The following ENTREP2 variants were observed in gnomAD, a reference collection of about 807,000 sequenced individuals.
ENTREP2 encodes the protein protein ENTREP2.
At chr15:29,396,663 A>T in the ENTREP2 span, among the ~76,000 whole-genome samples, 1 of 152,158 alleles carries the variant, frequency 6.6e-6, no homozygotes, top group Non-Finnish European at 1.5e-5. Context: ...CTTTGGCATC[A>T]TATCCAAGAA....
At chr15:29,497,953 A>C in the ENTREP2 span, among the ~76,000 whole-genome samples, 1 of 152,116 alleles carries the variant, frequency 6.6e-6, no homozygotes, top group African/African-American at 2.4e-5. Context: ...TGCATCACCT[A>C]TGATAAGATT....
At chr15:29,502,943 A>G in the ENTREP2 span, among the ~76,000 whole-genome samples, 32 of 149,436 alleles carry the variant, frequency 2.1e-4, no homozygotes, top group Admixed American at 3.3e-4. Flanking sequence ...ATAAAGGGGG[A>G]AAAAAAAACC....
At chr15:29,489,831 C>A in the ENTREP2 span, among the ~76,000 whole-genome samples, 10 of 152,294 alleles carry the variant, frequency 6.6e-5, no homozygotes, top group South Asian at 1.2e-3. Flanking sequence ...CAGGCCATGA[C>A]GGCGCAGTTC....
At chr15:29,405,114 C>T in the ENTREP2 span, among the ~76,000 whole-genome samples, 17,557 of 152,138 alleles carry the variant, frequency 0.12, 1,169 homozygotes, top group East Asian at 0.31. Context: ...CCTGGCTGGG[C>T]GTGGTGGCTC....
At chr15:29,341,958 C>G in the ENTREP2 span, among the ~76,000 whole-genome samples, 1 of 152,242 alleles carries the variant, frequency 6.6e-6, no homozygotes. Flanking sequence ...TTTCAGACGA[C>G]TTTTTATTGA....
chr15:29,138,497 G>T, the ENTREP2 span, among the ~76,000 whole-genome samples: 1 of 152,174 alleles, frequency 6.6e-6, no homozygotes, highest in Non-Finnish European at 1.5e-5. Context: ...GGCAGGTGAG[G>T]TAAGGAGAGG....
chr15:29,203,011 T>C, the ENTREP2 span, among the ~76,000 whole-genome samples: 2 of 152,294 alleles, frequency 1.3e-5, no homozygotes, highest in East Asian at 1.9e-4. Context: ...AGTAATGGGA[T>C]TGCTGGGTCA....
chr15:29,433,377 A>C, the ENTREP2 span, among the ~76,000 whole-genome samples: 1 of 152,224 alleles, frequency 6.6e-6, no homozygotes, highest in Non-Finnish European at 1.5e-5. Context: ...TTTTTGAACT[A>C]ATGGTAGAAA....
At chr15:29,534,106 C>CAAAAAAAAAAA in the ENTREP2 span, among the ~76,000 whole-genome samples, 8 of 44,908 alleles carry the variant, frequency 1.8e-4, no homozygotes, top group African/African-American at 6.4e-4. Flanking sequence ...GCCCCTTGGC[C>CAAAAAAAAAAA]AAAAAAAAAA....
At chr15:29,502,521 T>C in the ENTREP2 span, among the ~76,000 whole-genome samples, 10 of 151,954 alleles carry the variant, frequency 6.6e-5, no homozygotes, top group Non-Finnish European at 1.2e-4. Flanking sequence ...CTGTGCAACT[T>C]TGAGTTAAGG....
At chr15:29,146,938 G>GA in the ENTREP2 span, among the ~76,000 whole-genome samples, 818 of 145,206 alleles carry the variant, frequency 5.6e-3, 9 homozygotes, top group African/African-American at 0.017. Flanking sequence ...CCATCTTGGG[G>GA]AAAAAAAAAA....
chr15:29,366,575 C>T, the ENTREP2 span, among the ~76,000 whole-genome samples: 12 of 152,106 alleles, frequency 7.9e-5, no homozygotes, highest in African/African-American at 2.7e-4. Flanking sequence ...CTTGTGCTTC[C>T]CTGTAGCCAT....
At chr15:29,297,674 A>G in the ENTREP2 span, among the ~76,000 whole-genome samples, 1 of 152,228 alleles carries the variant, frequency 6.6e-6, no homozygotes, top group Admixed American at 6.5e-5. Context: ...CCAAAGAGAA[A>G]GAACTGGAGT....
chr15:29,201,656 T>C, the ENTREP2 span, among the ~76,000 whole-genome samples: 14 of 152,314 alleles, frequency 9.2e-5, no homozygotes, highest in Non-Finnish European at 1.8e-4. Context: ...TCCTTTCAGA[T>C]ATGTTGAATT....
the ENTREP2 span, among the ~76,000 whole-genome samples, chr15:29,304,065 T>A: frequency 6.6e-6 from 1 of 152,000 alleles, no homozygotes; most frequent in Non-Finnish European, 1.5e-5. Context: ...GTATTTTTAG[T>A]AGAGATGGGG....
the ENTREP2 span, among the ~76,000 whole-genome samples, chr15:29,357,118 A>G: frequency 6.6e-6 from 1 of 152,200 alleles, no homozygotes; most frequent in African/African-American, 2.4e-5. Context: ...GTGCCACTAC[A>G]ATTGGTCACG....
chr15:29,333,838 C>T, the ENTREP2 span, among the ~76,000 whole-genome samples: 1 of 151,958 alleles, frequency 6.6e-6, no homozygotes, highest in Non-Finnish European at 1.5e-5. Context: ...GGGAGGCCCG[C>T]GGTCCAATCT....
the ENTREP2 span, among the ~76,000 whole-genome samples, chr15:29,667,581 C>T: frequency 6.7e-6 from 1 of 149,584 alleles, no homozygotes; most frequent in Non-Finnish European, 1.5e-5. Context: ...GCAACCTCTG[C>T]CTCCAAGGTT....
the ENTREP2 span, among the ~76,000 whole-genome samples, chr15:29,425,980 A>G: frequency 6.7e-6 from 1 of 150,372 alleles, no homozygotes; most frequent in African/African-American, 2.4e-5. Flanking sequence ...ATAACTAAAT[A>G]TAATTATTAA....
Sources: allele counts gnomAD v4.1 joint callset (sites outside exome capture counted in the v4.1 genomes callset), GRCh38; gene constraint gnomAD v4.1.1; transcripts MANE v1.5; gene names NCBI Gene and HGNC (gene_info 2026-07-23, HGNC 2026-07-21).